Variants in NLGN4X observed in about 807,000 individuals in gnomAD.
NLGN4X encodes the protein neuroligin 4 X-linked.
NLGN4X carries 3 observed loss-of-function variants against 40.3 expected under a neutral mutation model. The ratio of observed to expected loss-of-function variants is 0.07; its 90% CI spans 0.03 to 0.19. NLGN4X has a LOEUF of 0.19. Among genes scored for constraint, NLGN4X ranks in the 10% least tolerant of loss-of-function variants. The pLI, the probability that NLGN4X is intolerant of heterozygous loss-of-function variation, is 1.00. For missense variants in NLGN4X, 382 were observed against 708.3 expected (o/e 0.54, Z 5.23); for synonymous variants, 270 against 306.8 (o/e 0.88, Z 1.25).
At chrX:6,153,385 T>A (rs183251963) in intron 1 of NLGN4X, among the ~76,000 whole-genome samples, 1 of 111,916 alleles carries the variant, frequency 8.9e-6, no homozygotes, top group Non-Finnish European at 1.9e-5. Context: ...CAATGACTGA[T>A]TTAGGTGTTT....
chrX:5,945,785 G>A lies in NLGN4X; in HGVS notation c.626-36546C>T, dbSNP rs147775878. 1.6e-4 allele frequency among the ~76,000 whole-genome samples: 18 copies of A among 111,004 alleles called. No homozygotes were observed. The East Asian group carries it at 2.9e-3, about 18-fold the overall frequency. On this transcript the variant is annotated intron_variant, in intron 3 of 5. Transcript: ENST00000381095. ...TGGGGCCTACTTGAGGGTGAAGGGTGGGGGTAGGGAGAGGATCAAAAAAAT... is the reference window on the plus strand; with the variant it reads ...TGGGGCCTACTTGAGGGTGAAGGGTAGGGGTAGGGAGAGGATCAAAAAAAT...
chrX:5,953,136 C>T (rs1251763502), intron 3 of NLGN4X, among the ~76,000 whole-genome samples: 1 of 110,907 alleles, frequency 9.0e-6, no homozygotes, highest in Non-Finnish European at 1.9e-5. Flanking sequence ...TGTGGGAGGA[C>T]AAGGCAGGGG....
At chrX:6,223,557 A>G (rs184559825) in intron 1 of NLGN4X, among the ~76,000 whole-genome samples, 1 of 112,490 alleles carries the variant, frequency 8.9e-6, no homozygotes, top group Admixed American at 9.4e-5. Flanking sequence ...CTGTGCTCCA[A>G]GAAAAATGAG....
At chrX:6,017,662 T>C (rs1195782017) in intron 3 of NLGN4X, among the ~76,000 whole-genome samples, 1 of 111,892 alleles carries the variant, frequency 8.9e-6, no homozygotes, top group Admixed American at 9.5e-5. Flanking sequence ...TGATATTCAG[T>C]CAGTAGAAAT....
intron 3 of NLGN4X, chrX:5,991,321 T>TC: frequency 4.9e-6 from 2 of 411,831 alleles, no homozygotes; most frequent in South Asian, 7.9e-5. Context: ...TCCTCTCCCT[T>TC]CCCCCCACAG....
intron 3 of NLGN4X, among the ~76,000 whole-genome samples, chrX:5,944,328 A>G (rs780089325): frequency 6.3e-5 from 7 of 110,883 alleles, no homozygotes; most frequent in South Asian, 7.7e-4. Context: ...TGAATAGGGC[A>G]TAAGAGTCCA....
At chrX:6,080,284 G>A (rs186147284) in intron 2 of NLGN4X, among the ~76,000 whole-genome samples, 36 of 111,627 alleles carry the variant, frequency 3.2e-4, no homozygotes, top group African/African-American at 9.4e-4. Flanking sequence ...GTTCAGTCTC[G>A]TATATACTAG....
chrX:5,902,172 C>G (rs2031908523), intron 5 of NLGN4X, among the ~76,000 whole-genome samples: 1 of 110,997 alleles, frequency 9.0e-6, no homozygotes, highest in Admixed American at 9.6e-5. Flanking sequence ...GTGGGAAGAT[C>G]ACTTGAGCCC....
chrX:6,026,072 C>T (rs918308294), intron 3 of NLGN4X, among the ~76,000 whole-genome samples: 3 of 110,413 alleles, frequency 2.7e-5, no homozygotes, highest in African/African-American at 9.9e-5. Context: ...TCTGAGGAAA[C>T]GCTAGCTGAC....
At chrX:5,983,381 T>C (rs2035444588) in intron 3 of NLGN4X, among the ~76,000 whole-genome samples, 1 of 112,031 alleles carries the variant, frequency 8.9e-6, no homozygotes, top group African/African-American at 3.2e-5. Flanking sequence ...TAAGATGCCA[T>C]GAAAATATAT....
chrX:6,102,741 T>G (rs930028980), intron 2 of NLGN4X, among the ~76,000 whole-genome samples: 4 of 110,968 alleles, frequency 3.6e-5, no homozygotes, highest in African/African-American at 1.3e-4. Flanking sequence ...GATATATATA[T>G]AGATACATAC....
At chrX:6,087,784 G>C (rs945484265) in intron 2 of NLGN4X, among the ~76,000 whole-genome samples, 1 of 111,487 alleles carries the variant, frequency 9.0e-6, no homozygotes, top group African/African-American at 3.3e-5. Context: ...CTAGGTAAAA[G>C]GATAATAAAA....
intron 1 of NLGN4X, among the ~76,000 whole-genome samples, chrX:6,190,737 T>C (rs1922468499): frequency 8.9e-6 from 1 of 111,882 alleles, no homozygotes; most frequent in Non-Finnish European, 1.9e-5. Flanking sequence ...GTCTGACATT[T>C]TGAACCCCAC....
chrX:6,156,237 C>T (rs1450358569), intron 1 of NLGN4X, among the ~76,000 whole-genome samples: 7 of 112,105 alleles, frequency 6.2e-5, no homozygotes, highest in East Asian at 5.6e-4. Flanking sequence ...TCAGCCGGCG[C>T]GGTGGCTCAC....
chrX:6,117,459 G>T (rs147985085), intron 2 of NLGN4X, among the ~76,000 whole-genome samples: 2 of 110,573 alleles, frequency 1.8e-5, no homozygotes, highest in African/African-American at 6.7e-5. Flanking sequence ...TTTCTCCTCC[G>T]TCTCCAGCTC....
At chrX:6,091,270 C>T (rs992609795) in intron 2 of NLGN4X, among the ~76,000 whole-genome samples, 1 of 111,484 alleles carries the variant, frequency 9.0e-6, no homozygotes, top group African/African-American at 3.3e-5. Flanking sequence ...GAATACCTTG[C>T]GAGGTCAATG....
At chrX:6,109,238 C>CA (rs2039094003) in intron 2 of NLGN4X, among the ~76,000 whole-genome samples, 1 of 111,617 alleles carries the variant, frequency 9.0e-6, no homozygotes, top group East Asian at 2.8e-4. Flanking sequence ...TGCACTCCAG[C>CA]CTGGGTTGAT....
chrX:5,938,135 G>A (rs1196158391), intron 3 of NLGN4X, among the ~76,000 whole-genome samples: 2 of 111,462 alleles, frequency 1.8e-5, no homozygotes, highest in Non-Finnish European at 3.8e-5. Flanking sequence ...AGTCCAGGCT[G>A]GGATCTCACA....
At chrX:6,042,207 G>C (rs947085468) in intron 2 of NLGN4X, among the ~76,000 whole-genome samples, 10 of 111,389 alleles carry the variant, frequency 9.0e-5, no homozygotes, top group African/African-American at 3.3e-4. Flanking sequence ...GAGAGAAAAA[G>C]GTGAATAGTA....
Sources: gnomAD v4.1 joint callset for allele counts (sites outside exome capture counted in the v4.1 genomes callset) on GRCh38, gnomAD v4.1.1 for gene constraint, MANE v1.5 for transcripts, NCBI Gene and HGNC (gene_info 2026-07-23, HGNC 2026-07-21) for gene names.